The following PCSK2 variants were observed in gnomAD, a reference collection of about 807,000 sequenced individuals.
PCSK2 encodes the protein proprotein convertase subtilisin/kexin type 2.
PCSK2 carries 14 observed loss-of-function variants against 69.7 expected under a neutral mutation model. The ratio of observed to expected loss-of-function variants is 0.20; its 90% CI spans 0.13 to 0.31. The LOEUF (loss-of-function observed/expected upper bound fraction) is 0.31. Ranked by LOEUF, PCSK2 falls within the 10% of genes least tolerant of loss-of-function variation. The pLI, the probability that PCSK2 is intolerant of heterozygous loss-of-function variation, is 1.00. For missense variants in PCSK2, 544 were observed against 842.5 expected (o/e 0.65, Z 4.39); for synonymous variants, 307 against 320.7 (o/e 0.96, Z 0.46).
At chr20:17,396,542 T>C (rs1338467838) in intron 5 of PCSK2, among the ~76,000 whole-genome samples, 2 of 152,160 alleles carry the variant, frequency 1.3e-5, no homozygotes, top group African/African-American at 4.8e-5. Context: ...TCTCATGACA[T>C]GATAGGGAAT....
chr20:17,466,687 A>G (rs942067981), intron 11 of PCSK2, among the ~76,000 whole-genome samples: 5 of 152,242 alleles, frequency 3.3e-5, no homozygotes, highest in Admixed American at 1.3e-4. Flanking sequence ...TTTACATGTC[A>G]TCAAATACAC....
At chr20:17,272,203 CT>C (rs1247971910) in intron 2 of PCSK2, among the ~76,000 whole-genome samples, 1 of 152,168 alleles carries the variant, frequency 6.6e-6, no homozygotes, top group African/African-American at 2.4e-5. Flanking sequence ...TTACACCTCT[CT>C]GAACATTACT....
At chr20:17,290,437 T>G (rs1488737171) in intron 2 of PCSK2, among the ~76,000 whole-genome samples, 2 of 152,240 alleles carry the variant, frequency 1.3e-5, no homozygotes, top group Non-Finnish European at 2.9e-5. Context: ...CCCTGCTAAT[T>G]ATCACCATGT....
chr20:17,327,900 T>TA (rs1990109065), intron 2 of PCSK2, among the ~76,000 whole-genome samples: 1 of 152,224 alleles, frequency 6.6e-6, no homozygotes, highest in African/African-American at 2.4e-5. Flanking sequence ...CAAATTTATT[T>TA]ACTGCTGCCT....
chr20:17,434,908 G>C (rs2032452675), intron 7 of PCSK2, among the ~76,000 whole-genome samples: 1 of 152,182 alleles, frequency 6.6e-6, no homozygotes, highest in Admixed American at 6.5e-5. Flanking sequence ...TTGGTCACCT[G>C]CATTAAATAA....
intron 2 of PCSK2, among the ~76,000 whole-genome samples, chr20:17,336,980 C>A (rs1193547190): frequency 6.6e-6 from 1 of 152,204 alleles, no homozygotes; most frequent in African/African-American, 2.4e-5. Context: ...TAAGAAATTT[C>A]TGGGTTTCTT....
chr20:17,262,467 G>GA (rs11480190), intron 2 of PCSK2, among the ~76,000 whole-genome samples: 75,876 of 149,192 alleles, frequency 0.51, 19,166 homozygotes, highest in East Asian at 0.66. Context: ...TTTTCAAAAC[G>GA]AAAAAAAAAA....
chr20:17,230,510 G>A (rs1986106584), intron 1 of PCSK2, among the ~76,000 whole-genome samples: 1 of 152,156 alleles, frequency 6.6e-6, no homozygotes, highest in Admixed American at 6.5e-5. Context: ...TCTACATCAT[G>A]CTGCCTCCAG....
At chr20:17,430,372 C>CT (rs2032339392) in intron 7 of PCSK2, among the ~76,000 whole-genome samples, 1 of 152,194 alleles carries the variant, frequency 6.6e-6, no homozygotes, top group East Asian at 1.9e-4. Flanking sequence ...CCTTGTTTTT[C>CT]TTTTTTCTTT....
intron 5 of PCSK2, among the ~76,000 whole-genome samples, chr20:17,402,739 G>A (rs1011631555): frequency 2.0e-5 from 3 of 151,080 alleles, no homozygotes; most frequent in Non-Finnish European, 2.9e-5. Flanking sequence ...TGGATCACGA[G>A]GTTAGGAGAT....
intron 5 of PCSK2, among the ~76,000 whole-genome samples, chr20:17,379,006 C>G (rs1030445647): frequency 2.0e-5 from 3 of 152,126 alleles, no homozygotes; most frequent in Non-Finnish European, 2.9e-5. Context: ...GGTGACCAAG[C>G]CTTACAAATA....
chr20:17,314,795 G>A (rs191083321), intron 2 of PCSK2, among the ~76,000 whole-genome samples: 2 of 151,994 alleles, frequency 1.3e-5, no homozygotes, highest in South Asian at 2.1e-4. Context: ...GAATTTTCAC[G>A]TGTTGTCTTT....
chr20:17,358,382 A>G lies in PCSK2; in HGVS notation c.338A>G (p.Asp113Gly), dbSNP rs1182474662. Reference sequence around the variant, plus strand: ...GACCGAAAAAAGCGAGGTTACAGAGACATCAATGAGATCGACATCAACATG... The same window carrying G: ...GACCGAAAAAAGCGAGGTTACAGAGGCATCAATGAGATCGACATCAACATG... The part of the protein sequence containing the change: ...GFDRKKRGYR[D>G]INEIDINMND... The change falls in exon 3 of 12, where the codon GAC (aspartate) becomes GGC (glycine). Residue 113 changes from aspartate to glycine, a missense_variant. Asp to Gly is a moderately conservative substitution (Grantham distance 94). This residue lies in a region of PCSK2 where 157 missense variants were observed against 155.0 expected (regional missense o/e 1.01). Coordinates refer to ENST00000262545, the MANE Select transcript of PCSK2 (RefSeq NM_002594.5). 4 of 1,613,364 alleles carry G rather than the reference A, an allele frequency of 2.5e-6. No individual in the cohort carries two copies. In the African/African-American group the frequency reaches 5.3e-5, roughly 22 times the overall value.
At chr20:17,291,583 G>GTA (rs1237556168) in intron 2 of PCSK2, among the ~76,000 whole-genome samples, 2 of 152,106 alleles carry the variant, frequency 1.3e-5, no homozygotes, top group African/African-American at 4.8e-5. Flanking sequence ...ACAGCAAAGG[G>GTA]TATATATATT....
At chr20:17,374,518 A>C (rs1257480656) in intron 5 of PCSK2, among the ~76,000 whole-genome samples, 1 of 152,138 alleles carries the variant, frequency 6.6e-6, no homozygotes, top group Non-Finnish European at 1.5e-5. Context: ...TGTAGAATCC[A>C]AGGAGAGCCT....
At chr20:17,419,339 A>G (rs1037691757) in intron 6 of PCSK2, among the ~76,000 whole-genome samples, 1 of 152,248 alleles carries the variant, frequency 6.6e-6, no homozygotes. Flanking sequence ...AATTACATGC[A>G]GTATCTGAGC....
intron 1 of PCSK2, among the ~76,000 whole-genome samples, chr20:17,234,273 C>T (rs188717275): frequency 6.6e-6 from 1 of 152,274 alleles, no homozygotes; most frequent in East Asian, 1.9e-4. Context: ...TCTCCAGCAA[C>T]AAATAGAACC....
intron 2 of PCSK2, among the ~76,000 whole-genome samples, chr20:17,303,051 T>A (rs962567571): frequency 2.6e-5 from 4 of 151,548 alleles, no homozygotes; most frequent in Admixed American, 2.6e-4. Context: ...AACTTTTTTC[T>A]ATAAATTCTC....
Position 17,246,217 on chromosome 20 carries a change from A to G in PCSK2, c.178-14023A>G, listed in dbSNP as rs376556151. Among the ~76,000 whole-genome samples the G allele has an allele frequency of 5.1e-4, 78 of 152,342 alleles. 1 individual carries two copies. In the South Asian group the frequency reaches 7.7e-3, roughly 15 times the overall value. ...TTTGAAAGATGAATATTTAGGCAAC[A>G]TGTCAGTACCTCAATTTTCTTTTTC... On this transcript the variant is annotated intron_variant, in intron 1 of 11. Transcript: ENST00000262545.
Sources: allele counts gnomAD v4.1 joint callset (sites outside exome capture counted in the v4.1 genomes callset), GRCh38; gene constraint gnomAD v4.1.1; regional missense constraint gnomAD v4.1.1; transcripts MANE v1.5; gene names NCBI Gene and HGNC (gene_info 2026-07-23, HGNC 2026-07-21).